The following RAB40B variants were observed in gnomAD, a reference collection of about 807,000 sequenced individuals.
RAB40B encodes ras-related protein Rab-40B.
RAB40B carries 21 observed loss-of-function variants against 24.0 expected under a neutral mutation model. That is an observed-to-expected ratio of 0.88 (90% CI 0.62 to 1.26). The LOEUF is 1.26. Among genes scored for constraint, RAB40B ranks in the 50% most tolerant of loss-of-function variants. RAB40B has a pLI of 0.00. For missense variants in RAB40B, 348 were observed against 390.5 expected (o/e 0.89, Z 0.92); for synonymous variants, 167 against 169.8 (o/e 0.98, Z 0.13).
chr17:82,674,217 G>A (rs904433138), intron 1 of RAB40B, among the ~76,000 whole-genome samples: 25 of 152,106 alleles, frequency 1.6e-4, no homozygotes, highest in African/African-American at 6.0e-4. Flanking sequence ...GCGGGTGCCT[G>A]TAATCCCAGC....
At chr17:82,674,403 G>A (rs1039525463) in intron 1 of RAB40B, among the ~76,000 whole-genome samples, 1 of 150,910 alleles carries the variant, frequency 6.6e-6, no homozygotes. Context: ...AGGCCAAGGT[G>A]GGCGGATCAT....
chr17:82,673,173 CA>C (rs1172085306), intron 1 of RAB40B, among the ~76,000 whole-genome samples: 10 of 152,178 alleles, frequency 6.6e-5, no homozygotes, highest in Non-Finnish European at 1.5e-4. Context: ...AACTGCACTC[CA>C]GCCTGGGTGA....
chr17:82,682,113 ACACGCATGCACACACACACACACACAGG>A (rs1332175977), intron 1 of RAB40B, among the ~76,000 whole-genome samples: 6 of 57,450 alleles, frequency 1.0e-4, no homozygotes, highest in Admixed American at 8.1e-4. Context: ...ATACACACAC[ACACGCATGCACACACACACACACACAGG>A]CACGCATGCA....
chr17:82,673,393 C>A (rs1485188216), intron 1 of RAB40B, among the ~76,000 whole-genome samples: 1 of 152,240 alleles, frequency 6.6e-6, no homozygotes, highest in African/African-American at 2.4e-5. Flanking sequence ...CTGCTCCCAT[C>A]TGGACTGGGA....
At position 82,658,553 on chromosome 17, in the gene RAB40B, GTGAACGACTC is replaced by G; in HGVS notation, c.493_502del (p.Glu165ArgfsTer23). The G allele has an allele frequency of 6.2e-7, 1 of 1,613,648 alleles. No homozygotes were observed. The highest frequency in any genetic ancestry group is 8.5e-7 in the Non-Finnish European group (1 of 1,179,988). Reference sequence around the variant, plus strand: ...CAGCAGCACGATCCTGGCCAGCTCCGTGAACGACTCTGTGATGTTGAAATTGCACAGAGGG... The same window carrying G: ...CAGCAGCACGATCCTGGCCAGCTCCGTGTGATGTTGAAATTGCACAGAGGG... On this transcript the variant is annotated frameshift_variant, in exon 5 of 6. Coordinates refer to ENST00000571995, the MANE Select transcript of RAB40B (RefSeq NM_006822.3). LOFTEE classifies it high-confidence loss of function.
intron 1 of RAB40B, among the ~76,000 whole-genome samples, chr17:82,690,933 C>G (rs899946705): frequency 1.3e-5 from 2 of 152,202 alleles, no homozygotes; most frequent in African/African-American, 2.4e-5. Flanking sequence ...AACATCTGTC[C>G]AAGGCAAAGA....
At chr17:82,664,747 C>T in intron 1 of RAB40B, 191 bp from the exon 2 acceptor site, 1 of 570,006 alleles carries the variant, frequency 1.8e-6, no homozygotes, top group Non-Finnish European at 3.1e-6. Context: ...CACCCGGGCC[C>T]CTCCTGTCCT....
At chr17:82,671,081 T>C (rs2046325124) in intron 1 of RAB40B, among the ~76,000 whole-genome samples, 1 of 151,900 alleles carries the variant, frequency 6.6e-6, no homozygotes, top group Admixed American at 6.6e-5. Flanking sequence ...AGGCATCCAC[T>C]GACTTTCCAC....
At chr17:82,683,332 G>A (rs2046463920) in intron 1 of RAB40B, among the ~76,000 whole-genome samples, 1 of 152,092 alleles carries the variant, frequency 6.6e-6, no homozygotes, top group Non-Finnish European at 1.5e-5. Context: ...TTCTTCAAAA[G>A]TAAAAACTCT....
chr17:82,693,969 G>C (rs1199609918), intron 1 of RAB40B, among the ~76,000 whole-genome samples: 2 of 151,150 alleles, frequency 1.3e-5, no homozygotes, highest in Non-Finnish European at 1.5e-5. Flanking sequence ...TGTAGTCCCA[G>C]CTACTCAGGA....
Position 82,695,164 on chromosome 17 carries a change from C to T in RAB40B, c.142+3291G>A, listed in dbSNP as rs76101796. Among the ~76,000 whole-genome samples the T allele has an allele frequency of 8.5e-3, 1,278 of 150,816 alleles. 51 individuals are homozygous for T. Among genetic ancestry groups the T allele is most frequent in the African/African-American group, 0.03 (1,228 of 40,540 alleles). On this transcript the variant is annotated intron_variant, in intron 1 of 5. Transcript: ENST00000571995. ...TGGAGGGAAATGGAGTGTGGAGTTA[C>T]GAACGCCCTCATCTTTCTTTCTTTC...
intron 1 of RAB40B, chr17:82,696,746 T>C (rs931650087): frequency 2.9e-5 from 4 of 136,650 alleles, no homozygotes; most frequent in African/African-American, 1.1e-4. Context: ...AGGCGCTCAA[T>C]CTCCAGCCCT....
chr17:82,665,238 C>A (rs1052042284), intron 1 of RAB40B, among the ~76,000 whole-genome samples: 49 of 144,696 alleles, frequency 3.4e-4, no homozygotes, highest in African/African-American at 1.2e-3. Flanking sequence ...AAAAAAAAAC[C>A]CGAGAATGCC....
chr17:82,696,239 A>G (rs76952543), intron 1 of RAB40B: 2 of 152,260 alleles, frequency 1.3e-5, no homozygotes, highest in South Asian at 4.1e-4. Context: ...AAAGCATTGG[A>G]CCATTGTTTT....
chr17:82,685,806 CTTTTT>C (rs36094405), intron 1 of RAB40B, among the ~76,000 whole-genome samples: 3 of 136,968 alleles, frequency 2.2e-5, no homozygotes, highest in African/African-American at 2.6e-5. Flanking sequence ...TCTTCTTCTT[CTTTTT>C]TTTTTTTTTT....
chr17:82,693,254 G>A (rs991191152), intron 1 of RAB40B, among the ~76,000 whole-genome samples: 1 of 151,988 alleles, frequency 6.6e-6, no homozygotes, highest in East Asian at 1.9e-4. Context: ...TGATCCATCC[G>A]CCTCGGCCTC....
chr17:82,671,025 T>C (rs1223565121), intron 1 of RAB40B, among the ~76,000 whole-genome samples: 1 of 152,014 alleles, frequency 6.6e-6, no homozygotes, highest in East Asian at 1.9e-4. Flanking sequence ...ATCTCCAGAT[T>C]GATGAAGAAC....
chr17:82,698,498 G>T lies in RAB40B; in HGVS notation c.99C>A (p.Ser33Arg). The T allele has an allele frequency of 6.6e-7, 1 of 1,513,074 alleles. No individual in the cohort carries two copies. Among genetic ancestry groups the T allele is most frequent in the Non-Finnish European group, 8.9e-7 (1 of 1,124,466 alleles). The allele number at this position is 1,513,074 out of a possible 1,614,324, so 93.7% of individuals were successfully genotyped here. Reference sequence around the variant, plus strand: ...GGGACTCGGCCGCGCCATCCTGCAGGCTCGCCAGGATCTCGCCCTTGCCCA... The same window carrying T: ...GGGACTCGGCCGCGCCATCCTGCAGTCTCGCCAGGATCTCGCCCTTGCCCA... Reference protein sequence around the residue: ...SDVGKGEILASLQDGAAESPY... With the variant: ...SDVGKGEILARLQDGAAESPY... Residue 33 changes from serine (S) to arginine (R), a missense_variant, in exon 1 of 6, where the codon AGC becomes AGA. Coordinates refer to ENST00000571995, the MANE Select transcript of RAB40B (RefSeq NM_006822.3).
intron 2 of RAB40B, chr17:82,661,784 G>T: frequency 2.6e-6 from 1 of 380,614 alleles, no homozygotes; most frequent in Non-Finnish European, 3.6e-6. Context: ...CTACTCGGAA[G>T]GCTGAGGCAG....
Sources: allele counts gnomAD v4.1 joint callset (sites outside exome capture counted in the v4.1 genomes callset), GRCh38; gene constraint gnomAD v4.1.1; transcripts MANE v1.5; gene names NCBI Gene and HGNC (gene_info 2026-07-23, HGNC 2026-07-21).